Variants in ADRB1 observed in about 807,000 individuals in gnomAD.
ADRB1 encodes the protein adrenoceptor beta 1.
For synonymous variants in ADRB1, 365 were observed against 347.2 expected, an observed-to-expected ratio of 1.05 and a Z score of -0.57; for missense variants, 635 against 709.1, an observed-to-expected ratio of 0.90 and a Z score of 1.19.
In ADRB1 at chr10:114,045,417, G is replaced by T. The variant is rs1847548717; in HGVS notation, c.1285G>T (p.Asp429Tyr). 7 of 1,227,552 alleles carry T rather than the reference G, an allele frequency of 5.7e-6. No individual in the cohort carries two copies. The highest frequency in any genetic ancestry group is 6.1e-6 in the Non-Finnish European group (6 of 982,780). The allele number at this position is 1,227,552 out of a possible 1,614,324, so 76.0% of individuals were successfully genotyped here. ...CCCGCCATCGCCCGGGGCCGCCTCGGACGACGACGACGACGATGTCGTCGG... is the reference window on the plus strand; with the variant it reads ...CCCGCCATCGCCCGGGGCCGCCTCGTACGACGACGACGACGATGTCGTCGG... Reference protein sequence around the residue: ...GPPPSPGAASDDDDDDVVGAT... With the variant: ...GPPPSPGAASYDDDDDVVGAT... The change falls in exon 1 of 1, where the codon GAC becomes TAC. Residue 429 changes from aspartate (D) to tyrosine (Y), a missense_variant. Asp to Tyr is a radical substitution (Grantham distance 160). Transcript: ENST00000369295.
In ADRB1 at chr10:114,044,932, G is replaced by A. The variant is rs1371090340; in HGVS notation, c.800G>A (p.Gly267Asp). The A allele has an allele frequency of 1.2e-5, 18 of 1,542,664 alleles. No individual in the cohort carries two copies. The highest frequency in any genetic ancestry group is 7.0e-5 in the East Asian group (3 of 42,918). The change falls in exon 1 of 1, where the codon GGC becomes GAC. Residue 267 changes from glycine to aspartate, a missense_variant. Physicochemically the swap from Gly to Asp is moderately conservative, Grantham distance 94. Coordinates refer to ENST00000369295, the MANE Select transcript of ADRB1 (RefSeq NM_000684.3). The surrounding 1 kb of genome is among the most constrained non-coding windows in gnomAD (Gnocchi z 7.8). ...GACAGCTGCGAGCGCCGTTTCCTCGGCGGCCCAGCGCGGCCGCCCTCGCCC... is the reference window on the plus strand; with the variant it reads ...GACAGCTGCGAGCGCCGTTTCCTCGACGGCCCAGCGCGGCCGCCCTCGCCC... ...KIDSCERRFL[G>D]GPARPPSPSP...
In ADRB1 at chr10:114,043,929, C is replaced by T; in HGVS notation, c.-204C>T. ...GCAGCGGCTCCAGCAGCAGCGGCGG[C>T]GGCGGCGGCGGCGGCAGCGGCAGCG... is the stretch of plus-strand genomic sequence containing the variant. On this transcript the variant is annotated 5_prime_UTR_variant, in exon 1 of 1. Coordinates refer to ENST00000369295, the MANE Select transcript of ADRB1 (RefSeq NM_000684.3). The T allele has an allele frequency of 4.0e-6, 1 of 247,618 alleles. No homozygotes were observed. Among genetic ancestry groups the T allele is most frequent in the Non-Finnish European group, 7.1e-6 (1 of 140,210 alleles). The allele number at this position is 247,618 out of a possible 1,614,324, so 15.3% of individuals were successfully genotyped here. A position where few individuals can be genotyped will look rare whatever the true frequency, so the allele number is the denominator to read the frequency against.
chr10:114,045,798 T>G lies in ADRB1; in HGVS notation c.*232T>G. 2 of 187,080 alleles carry G rather than the reference T, an allele frequency of 1.1e-5. No homozygotes were observed. The highest frequency in any genetic ancestry group is 1.9e-5 in the Non-Finnish European group (2 of 104,408). The allele number at this position is 187,080 out of a possible 1,614,324, so 11.6% of individuals were successfully genotyped here. On this transcript the variant is annotated 3_prime_UTR_variant, in exon 1 of 1. Coordinates refer to ENST00000369295, the MANE Select transcript of ADRB1 (RefSeq NM_000684.3). ...TTTTTTTCTTTTCTTTTCTTTCTTC[T>G]TCTTTTTTTTTTTTTTTTTTTTTTC...
Position 114,043,915 on chromosome 10 carries a change from A to G in ADRB1, c.-218A>G. On this transcript the variant is annotated 5_prime_UTR_variant, in exon 1 of 1. Coordinates refer to ENST00000369295, the MANE Select transcript of ADRB1 (RefSeq NM_000684.3). ...CTCTTCCAGCAGCGGCAGCGGCTCCAGCAGCAGCGGCGGCGGCGGCGGCGG... is the reference window on the plus strand; with the variant it reads ...CTCTTCCAGCAGCGGCAGCGGCTCCGGCAGCAGCGGCGGCGGCGGCGGCGG... 1 of 230,596 alleles carries G rather than the reference A, an allele frequency of 4.3e-6. No individual in the cohort carries two copies. The highest frequency in any genetic ancestry group is 1.3e-4 in the South Asian group (1 of 7,654). The allele number at this position is 230,596 out of a possible 1,614,324, so 14.3% of individuals were successfully genotyped here.
chr10:114,044,982 G>GCGCCGCCGCCCGGACCCCCGCGCCC lies in ADRB1; in HGVS notation c.861_885dup (p.Ala296ArgfsTer21). On this transcript the variant is annotated frameshift_variant, in exon 1 of 1. Coordinates refer to ENST00000369295, the MANE Select transcript of ADRB1 (RefSeq NM_000684.3). LOFTEE classifies it low-confidence loss of function (END_TRUNC). This position sits in a 1 kb window ranked among gnomAD's most constrained non-coding sequence, Gnocchi z 7.8. ...CTCGCCCTCGCCCGTCCCCGCGCCC[G>GCGCCGCCGCCCGGACCCCCGCGCCC]CGCCGCCGCCCGGACCCCCGCGCCC... 9.1e-7 allele frequency: 1 copy of GCGCCGCCGCCCGGACCCCCGCGCCC among 1,100,888 alleles called. No homozygotes were observed. Among genetic ancestry groups the GCGCCGCCGCCCGGACCCCCGCGCCC allele is most frequent in the Non-Finnish European group, 1.1e-6 (1 of 901,790 alleles). 68.2% of individuals were successfully genotyped at this position (1,100,888 alleles called of 1,614,324 possible). A position where few individuals can be genotyped will look rare whatever the true frequency, so the allele number is the denominator to read the frequency against.
rs1400945012 is a variant in ADRB1 at position 114,045,797 on chromosome 10, C to CTTTT, written c.*233_*234insTTTT. 470 of 180,526 alleles carry CTTTT rather than the reference C, an allele frequency of 2.6e-3. 12 individuals carry two copies. The highest frequency in any genetic ancestry group is 0.017 in the African/African-American group (403 of 23,670). The allele number at this position is 180,526 out of a possible 1,614,324, so 11.2% of individuals were successfully genotyped here. On this transcript the variant is annotated 3_prime_UTR_variant, in exon 1 of 1. Coordinates refer to ENST00000369295, the MANE Select transcript of ADRB1 (RefSeq NM_000684.3). ...TTTTTTTTCTTTTCTTTTCTTTCTT[C>CTTTT]TTCTTTTTTTTTTTTTTTTTTTTTT...
rs767449975 is a variant in ADRB1, at chr10:114,045,230, C to A, written c.1098C>A (p.Gly366=). 3.1e-6 allele frequency: 5 copies of A among 1,598,492 alleles called. No homozygotes were observed. In the South Asian group the frequency reaches 4.5e-5, roughly 14 times the overall value. The stretch of plus-strand genomic sequence containing the variant: ...TCTTCGTCTTCTTCAACTGGCTGGG[C>A]TACGCCAACTCGGCCTTCAACCCCA... ...DRLFVFFNWL[G]YANSAFNPII... The change falls in exon 1 of 1, where the codon GGC becomes GGA. Residue 366 remains glycine (G), a synonymous_variant. Transcript: ENST00000369295.
At position 114,043,921 on chromosome 10, in the gene ADRB1, AGCG is replaced by A. The variant is rs1014758367; in HGVS notation, c.-191_-189del. Reference sequence around the variant, plus strand: ...CAGCAGCGGCAGCGGCTCCAGCAGCAGCGGCGGCGGCGGCGGCGGCGGCAGCGG... The same window carrying A: ...CAGCAGCGGCAGCGGCTCCAGCAGCAGCGGCGGCGGCGGCGGCGGCAGCGG... On this transcript the variant is annotated 5_prime_UTR_variant, in exon 1 of 1. Coordinates refer to ENST00000369295, the MANE Select transcript of ADRB1 (RefSeq NM_000684.3). 301 of 232,102 alleles carry A rather than the reference AGCG, an allele frequency of 1.3e-3. No individual in the cohort carries two copies. The highest frequency in any genetic ancestry group is 2.4e-3 in the South Asian group (18 of 7,568). 14.4% of individuals were successfully genotyped at this position (232,102 alleles called of 1,614,324 possible).
At position 114,046,370 on chromosome 10, in the gene ADRB1, C is replaced by T. The variant is rs1847565207; in HGVS notation, c.*804C>T. 6.0e-6 allele frequency: 1 copy of T among 167,056 alleles called. No homozygotes were observed. Among genetic ancestry groups the T allele is most frequent in the Non-Finnish European group, 1.5e-5 (1 of 68,130 alleles). The allele number at this position is 167,056 out of a possible 1,614,324, so 10.3% of individuals were successfully genotyped here. A position where few individuals can be genotyped will look rare whatever the true frequency, so the allele number is the denominator to read the frequency against. ...TAGTTGGAAGGACCAGGCGCAGAGC[C>T]TCTCTCTGTGACATGTGACTCTGTC... On this transcript the variant is annotated 3_prime_UTR_variant, in exon 1 of 1. Coordinates refer to ENST00000369295, the MANE Select transcript of ADRB1 (RefSeq NM_000684.3).
In ADRB1 at chr10:114,045,584, G is replaced by T; in HGVS notation, c.*18G>T. ...AGGTGTAGGGCCCGGCGCGGGGCGC[G>T]GACTCCGGGCACGGCTTCCCAGGGG... On this transcript the variant is annotated 3_prime_UTR_variant, in exon 1 of 1. Coordinates refer to ENST00000369295, the MANE Select transcript of ADRB1 (RefSeq NM_000684.3). 7.8e-7 allele frequency: 1 copy of T among 1,274,828 alleles called. No individual in the cohort carries two copies. The highest frequency in any genetic ancestry group is 3.0e-5 in the South Asian group (1 of 33,042). 79.0% of individuals were successfully genotyped at this position (1,274,828 alleles called of 1,614,324 possible).
Position 114,045,423 on chromosome 10 carries a change from G to T in ADRB1, c.1291G>T (p.Asp431Tyr). ...ATCGCCCGGGGCCGCCTCGGACGAC[G>T]ACGACGACGATGTCGTCGGGGCCAC... Reference protein sequence around the residue: ...PPSPGAASDDDDDDVVGATPP... With the variant: ...PPSPGAASDDYDDDVVGATPP... The change falls in exon 1 of 1, where the codon GAC (aspartate) becomes TAC (tyrosine). Residue 431 changes from aspartate (D) to tyrosine (Y), a missense_variant. Physicochemically the swap from Asp to Tyr is radical, Grantham distance 160 (BLOSUM62 -3). Transcript: ENST00000369295. 8.1e-7 allele frequency: 1 copy of T among 1,240,554 alleles called. No homozygotes were observed. The highest frequency in any genetic ancestry group is 1.0e-6 in the Non-Finnish European group (1 of 990,924). 76.8% of individuals were successfully genotyped at this position (1,240,554 alleles called of 1,614,324 possible).
chr10:114,045,797 C>CTTTTTTTTTTT lies in ADRB1; in HGVS notation c.*233_*234insTTTTTTTTTTT, dbSNP rs1400945012. 18 of 180,716 alleles carry CTTTTTTTTTTT rather than the reference C, an allele frequency of 1.0e-4. 1 individual carries two copies. Among genetic ancestry groups the CTTTTTTTTTTT allele is most frequent in the African/African-American group, 4.6e-4 (11 of 23,804 alleles). 11.2% of individuals were successfully genotyped at this position (180,716 alleles called of 1,614,324 possible). Reference sequence around the variant, plus strand: ...TTTTTTTTCTTTTCTTTTCTTTCTTCTTCTTTTTTTTTTTTTTTTTTTTTT... The same window carrying CTTTTTTTTTTT: ...TTTTTTTTCTTTTCTTTTCTTTCTTCTTTTTTTTTTTTTCTTTTTTTTTTTTTTTTTTTTTT... On this transcript the variant is annotated 3_prime_UTR_variant, in exon 1 of 1. Coordinates refer to ENST00000369295, the MANE Select transcript of ADRB1 (RefSeq NM_000684.3).
chr10:114,045,419 C>G lies in ADRB1; in HGVS notation c.1287C>G (p.Asp429Glu). Residue 429 changes from aspartate (D) to glutamate (E), a missense_variant, in exon 1 of 1, where the codon GAC (aspartate) becomes GAG (glutamate). Coordinates refer to ENST00000369295, the MANE Select transcript of ADRB1 (RefSeq NM_000684.3). The stretch of plus-strand genomic sequence containing the variant: ...CGCCATCGCCCGGGGCCGCCTCGGA[C>G]GACGACGACGACGATGTCGTCGGGG... ...GPPPSPGAAS[D>E]DDDDDVVGAT... is the part of the protein sequence containing the mutation. 8.1e-7 allele frequency: 1 copy of G among 1,228,084 alleles called. No individual in the cohort carries two copies. Among genetic ancestry groups the G allele is most frequent in the Non-Finnish European group, 1.0e-6 (1 of 982,902 alleles). 76.1% of individuals were successfully genotyped at this position (1,228,084 alleles called of 1,614,324 possible). A position where few individuals can be genotyped will look rare whatever the true frequency, so the allele number is the denominator to read the frequency against.
In ADRB1 at chr10:114,044,266, C is replaced by A. The variant is rs1181084559; in HGVS notation, c.134C>A (p.Pro45His). 2.0e-6 allele frequency: 3 copies of A among 1,523,424 alleles called. No homozygotes were observed. Among genetic ancestry groups the A allele is most frequent in the Non-Finnish European group, 1.7e-6 (2 of 1,146,318 alleles). 94.4% of individuals were successfully genotyped at this position (1,523,424 alleles called of 1,614,324 possible). ...PASPPASLLP[P>H]ASESPEPLSQ... is the part of the protein sequence containing the mutation. ...TCGCCGCCCGCCTCGTTGCTGCCTC[C>A]CGCCAGCGAAAGCCCCGAGCCGCTG... The change falls in exon 1 of 1, where the codon CCC (proline) becomes CAC (histidine). Residue 45 changes from proline to histidine, a missense_variant. Coordinates refer to ENST00000369295, the MANE Select transcript of ADRB1 (RefSeq NM_000684.3). This position sits in a 1 kb window ranked among gnomAD's most constrained non-coding sequence, Gnocchi z 7.8.
rs35435446 is a variant in ADRB1 at position 114,045,769 on chromosome 10, G to GTTT, written c.*211_*213dup. On this transcript the variant is annotated 3_prime_UTR_variant, in exon 1 of 1. Coordinates refer to ENST00000369295, the MANE Select transcript of ADRB1 (RefSeq NM_000684.3). ...GAGTGGCTTGCTGATGTTCCTTGTT[G>GTTT]TTTTTTTTTTCTTTTCTTTTCTTTC... The GTTT allele has an allele frequency of 7.0e-3, 1,633 of 232,106 alleles. 39 individuals are homozygous for GTTT. The highest frequency in any genetic ancestry group is 0.05 in the African/African-American group (1,559 of 31,316). The allele number at this position is 232,106 out of a possible 1,614,324, so 14.4% of individuals were successfully genotyped here.
chr10:114,044,896 TGAA>T lies in ADRB1; in HGVS notation c.770_772del (p.Lys257del). The T allele has an allele frequency of 5.0e-6, 8 of 1,605,046 alleles. No homozygotes were observed. The highest frequency in any genetic ancestry group is 6.8e-6 in the Non-Finnish European group (8 of 1,174,330). On this transcript the variant is annotated inframe_deletion, in exon 1 of 1. Coordinates refer to ENST00000369295, the MANE Select transcript of ADRB1 (RefSeq NM_000684.3). The surrounding 1 kb of genome is among the most constrained non-coding windows in gnomAD (Gnocchi z 7.8). Reference sequence around the variant, plus strand: ...GTGTTCCGCGAGGCCCAGAAGCAGGTGAAGAAGATCGACAGCTGCGAGCGCCGT... The same window carrying T: ...GTGTTCCGCGAGGCCCAGAAGCAGGTGAAGATCGACAGCTGCGAGCGCCGT...
Position 114,045,086 on chromosome 10 carries a change from C to G in ADRB1, c.954C>G (p.Arg318=). 2.7e-6 allele frequency: 4 copies of G among 1,489,192 alleles called. No individual in the cohort carries two copies. Among genetic ancestry groups the G allele is most frequent in the Non-Finnish European group, 3.6e-6 (4 of 1,116,258 alleles). The allele number at this position is 1,489,192 out of a possible 1,614,324, so 92.2% of individuals were successfully genotyped here. The change falls in exon 1 of 1, where the codon CGC becomes CGG. Residue 318 remains arginine (R), a synonymous_variant. Transcript: ENST00000369295. Reference sequence around the variant, plus strand: ...GGCCCTCGCGCCTCGTGGCCCTGCGCGAGCAGAAGGCGCTCAAGACGCTGG... The same window carrying G: ...GGCCCTCGCGCCTCGTGGCCCTGCGGGAGCAGAAGGCGCTCAAGACGCTGG... ...KRRPSRLVAL[R]EQKALKTLGI...
In ADRB1 at chr10:114,045,455, C is replaced by G. The variant is rs1360123843; in HGVS notation, c.1323C>G (p.Pro441=). 8.0e-7 allele frequency: 1 copy of G among 1,253,488 alleles called. No individual in the cohort carries two copies. The highest frequency in any genetic ancestry group is 3.2e-5 in the East Asian group (1 of 31,272). 77.6% of individuals were successfully genotyped at this position (1,253,488 alleles called of 1,614,324 possible). The change falls in exon 1 of 1, where the codon CCC becomes CCG. Residue 441 remains proline (P), a synonymous_variant. Transcript: ENST00000369295. The stretch of plus-strand genomic sequence containing the variant: ...ACGATGTCGTCGGGGCCACGCCGCC[C>G]GCGCGCCTGCTGGAGCCCTGGGCCG... ...DDDDVVGATP[P]ARLLEPWAGC...
Position 114,045,239 on chromosome 10 carries a change from C to G in ADRB1, c.1107C>G (p.Asn369Lys). The G allele has an allele frequency of 6.3e-7, 1 of 1,599,840 alleles. No individual in the cohort carries two copies. The highest frequency in any genetic ancestry group is 8.5e-7 in the Non-Finnish European group (1 of 1,173,058). The change falls in exon 1 of 1, where the codon AAC becomes AAG. Residue 369 changes from asparagine to lysine, a missense_variant. Transcript: ENST00000369295. ...FVFFNWLGYA[N>K]SAFNPIIYCR... ...TCTTCAACTGGCTGGGCTACGCCAA[C>G]TCGGCCTTCAACCCCATCATCTACT...
Sources: gnomAD v4.1 joint callset for allele counts on GRCh38, gnomAD v4.1.1 for gene constraint, Gnocchi (gnomAD v3.1) non-coding constraint, MANE v1.5 for transcripts, NCBI Gene and HGNC (gene_info 2026-07-23, HGNC 2026-07-21) for gene names.